The following PI4KA variants were observed in gnomAD, a reference collection of about 807,000 sequenced individuals.
The protein encoded by PI4KA is phosphatidylinositol 4-kinase alpha.
PI4KA carries 122 observed loss-of-function variants against 271.4 expected under a neutral mutation model. The observed-to-expected ratio is 0.45, with a 90% CI of 0.39 to 0.52. The LOEUF (loss-of-function observed/expected upper bound fraction) is 0.52, where lower values mean the gene tolerates loss of function less well. Among genes scored for constraint, PI4KA ranks in the 20% least tolerant of loss-of-function variants. PI4KA has a pLI of 0.00. For missense variants in PI4KA, 1,969 were observed against 2,769.1 expected (o/e 0.71, Z 6.48); for synonymous variants, 1,041 against 1,078.8 (o/e 0.96, Z 0.69).
chr22:20,748,259 G>C (rs868018097), intron 28 of PI4KA, among the ~76,000 whole-genome samples: 9 of 152,256 alleles, frequency 5.9e-5, no homozygotes, highest in East Asian at 1.9e-4. Flanking sequence ...CCGTCAATGG[G>C]AGAGGGCCAT....
chr22:20,796,089 C>CAGGG, intron 18 of PI4KA, 57 bp downstream of exon 18: 1 of 1,525,346 alleles, frequency 6.6e-7, no homozygotes, highest in South Asian at 1.1e-5. Flanking sequence ...GAAGACTAAG[C>CAGGG]CTTGGCCAGC....
intron 42 of PI4KA, among the ~76,000 whole-genome samples, chr22:20,723,141 C>T (rs1335336419): frequency 6.6e-6 from 1 of 151,768 alleles, no homozygotes; most frequent in Non-Finnish European, 1.5e-5. Context: ...CTGCCTCAGC[C>T]TCCCGAGTAG....
intron 18 of PI4KA, 66 bp from the exon 19 acceptor site, chr22:20,793,309 A>G: frequency 1.1e-6 from 1 of 879,438 alleles, no homozygotes; most frequent in Non-Finnish European, 1.9e-6. Flanking sequence ...AAAAAAACAC[A>G]AGATACAACA....
At chr22:20,729,570 G>T in intron 38 of PI4KA, 62 bp downstream of exon 38, 1 of 1,550,894 alleles carries the variant, frequency 6.4e-7, no homozygotes. Context: ...CACTGCCCCG[G>T]CCACCAGGTG....
At chr22:20,854,654 C>T (rs1274149855) in intron 1 of PI4KA, among the ~76,000 whole-genome samples, 1 of 152,082 alleles carries the variant, frequency 6.6e-6, no homozygotes, top group Non-Finnish European at 1.5e-5. Context: ...CAAACTTAGC[C>T]TTCGCCAGGT....
intron 19 of PI4KA, among the ~76,000 whole-genome samples, chr22:20,772,017 T>C (rs887956417): frequency 2.0e-5 from 3 of 152,214 alleles, no homozygotes; most frequent in African/African-American, 7.2e-5. Flanking sequence ...TACCATGAAA[T>C]GATGAGGACT....
At chr22:20,716,785 A>G (rs1314490037) in intron 45 of PI4KA, among the ~76,000 whole-genome samples, 6 of 152,158 alleles carry the variant, frequency 3.9e-5, no homozygotes, top group Non-Finnish European at 4.4e-5. Context: ...CCCTGCATAC[A>G]TGTCCTGCCC....
intron 1 of PI4KA, among the ~76,000 whole-genome samples, chr22:20,857,026 G>A (rs1353664551): frequency 6.6e-6 from 1 of 152,224 alleles, no homozygotes; most frequent in East Asian, 1.9e-4. Context: ...TGACTAGCTA[G>A]CATGAGTTTG....
At chr22:20,726,601 GC>G (rs1927383209) in intron 41 of PI4KA, 60 bp from the exon 42 acceptor site, 1 of 1,451,388 alleles carries the variant, frequency 6.9e-7, no homozygotes, top group Non-Finnish European at 9.3e-7. Context: ...CAACCCTACG[GC>G]CCAGGCCCTG....
chr22:20,804,538 CA>C, intron 11 of PI4KA, 138 bp from the exon 12 acceptor site: 1 of 669,928 alleles, frequency 1.5e-6, no homozygotes, highest in Non-Finnish European at 2.7e-6. Context: ...ACTGAGAGGT[CA>C]CACAGTGTGT....
intron 4 of PI4KA, among the ~76,000 whole-genome samples, chr22:20,822,341 AT>A (rs1243985012): frequency 5.3e-5 from 8 of 151,990 alleles, no homozygotes; most frequent in Admixed American, 4.6e-4. Flanking sequence ...GCCACCATCC[AT>A]GACAATAAGC....
chr22:20,829,847 G>C (rs1192443648), intron 3 of PI4KA, among the ~76,000 whole-genome samples: 1 of 152,074 alleles, frequency 6.6e-6, no homozygotes, highest in Non-Finnish European at 1.5e-5. Flanking sequence ...CTGGTATGTT[G>C]TATCTTCATT....
chr22:20,813,230 G>A, intron 8 of PI4KA, 128 bp downstream of exon 8: 2 of 689,670 alleles, frequency 2.9e-6, no homozygotes, highest in Admixed American at 2.4e-5. Flanking sequence ...TAATCTGCAA[G>A]TTTATGACTA....
intron 35 of PI4KA, 29 bp downstream of exon 35, chr22:20,733,707 A>G: frequency 6.2e-7 from 1 of 1,613,868 alleles, no homozygotes; most frequent in Middle Eastern, 1.7e-4. Context: ...CCGTCCCTGG[A>G]CGCTGCACAG....
chr22:20,766,353 A>T (rs546323105), intron 19 of PI4KA, among the ~76,000 whole-genome samples: 1 of 151,836 alleles, frequency 6.6e-6, no homozygotes, highest in Non-Finnish European at 1.5e-5. Context: ...GCAGGGAGAG[A>T]CTCATCAGTG....
In PI4KA at chr22:20,805,078, T is replaced by G; in HGVS notation, c.1256A>C (p.His419Pro). Reference protein sequence around the residue: ...TSQGELQKILHDADRIHNELS... With the variant: ...TSQGELQKILPDADRIHNELS... ...CTCATTGTGGATCCGGTCTGCGTCA[T>G]GTAGAATCTTCTGGAGCTCCCCCTG... is the stretch of plus-strand genomic sequence containing the variant. The change falls in exon 11 of 55, where the codon CAT becomes CCT. Residue 419 changes from histidine to proline, a missense_variant. By Grantham distance (77) the His-to-Pro change is moderately conservative. Transcript: ENST00000255882. 6.2e-7 allele frequency: 1 copy of G among 1,614,110 alleles called. No individual in the cohort carries two copies. The highest frequency in any genetic ancestry group is 1.1e-5 in the South Asian group (1 of 91,076).
chr22:20,742,891 G>A (rs1169462708), intron 30 of PI4KA, 127 bp from the exon 31 acceptor site: 2 of 745,734 alleles, frequency 2.7e-6, no homozygotes, highest in Non-Finnish European at 2.3e-6. Flanking sequence ...TGGAGCTCAT[G>A]CATGCAGAGA....
chr22:20,858,251 A>G (rs970406568), intron 1 of PI4KA, among the ~76,000 whole-genome samples: 3 of 152,092 alleles, frequency 2.0e-5, no homozygotes, highest in African/African-American at 7.2e-5. Flanking sequence ...ACAGCCGCCC[A>G]CGATCCAGCC....
chr22:20,740,214 A>T (rs1370870610), intron 32 of PI4KA, among the ~76,000 whole-genome samples: 2 of 151,736 alleles, frequency 1.3e-5, no homozygotes, highest in Admixed American at 6.6e-5. Flanking sequence ...AGATGGTTTT[A>T]CAGCAGAATG....
Sources: allele counts gnomAD v4.1 joint callset (sites outside exome capture counted in the v4.1 genomes callset), GRCh38; gene constraint gnomAD v4.1.1; transcripts MANE v1.5; gene names NCBI Gene and HGNC (gene_info 2026-07-23, HGNC 2026-07-21).